Variants in SPRY3 observed in about 807,000 individuals in gnomAD.
The protein encoded by SPRY3 is protein sprouty homolog 3.
In SPRY3, 15 loss-of-function variants were observed where a neutral mutation model predicts 20.2. The observed-to-expected ratio is 0.74, with a 90% CI of 0.50 to 1.14. SPRY3 has a LOEUF of 1.14. SPRY3 is among the 50% of genes most tolerant of loss of function. SPRY3 has a pLI of 0.00. For missense variants in SPRY3, 364 were observed against 363.9 expected, an observed-to-expected ratio of 1.00 and a Z score of 0.00; for synonymous variants, 143 against 136.5, an observed-to-expected ratio of 1.05 and a Z score of -0.33.
intron 3 of SPRY3, among the ~76,000 whole-genome samples, chrX:155,769,050 G>C (rs905544912): frequency 2.0e-5 from 3 of 152,140 alleles, no homozygotes; most frequent in Non-Finnish European, 4.4e-5. Flanking sequence ...CCAAAAAGTC[G>C]GCTGCATTCA....
intron 2 of SPRY3, among the ~76,000 whole-genome samples, chrX:155,748,826 G>T (rs1207296725): frequency 2.6e-5 from 4 of 151,728 alleles, no homozygotes; most frequent in Non-Finnish European, 5.9e-5. Flanking sequence ...AATTGCCAAG[G>T]GAACAAGGAT....
chrX:155,673,229 A>T (rs1478933846), intron 2 of SPRY3, among the ~76,000 whole-genome samples: 2 of 109,932 alleles, frequency 1.8e-5, no homozygotes, highest in East Asian at 5.7e-4. Context: ...AAAAAAATTA[A>T]AAAAAGAACA....
At chrX:155,724,075 G>C (rs1219440431) in intron 2 of SPRY3, among the ~76,000 whole-genome samples, 2 of 152,100 alleles carry the variant, frequency 1.3e-5, no homozygotes, top group Non-Finnish European at 2.9e-5. Flanking sequence ...TGTCAGGTTT[G>C]TCAAAGATCA....
chrX:155,730,783 CTATTGGAACTGATCAAACAAATTCAG>C (rs1201182677), intron 2 of SPRY3, among the ~76,000 whole-genome samples: 1 of 151,964 alleles, frequency 6.6e-6, no homozygotes, highest in African/African-American at 2.4e-5. Context: ...CACCAGAAAC[CTATTGGAACTGATCAAACAAATTCAG>C]TAACATTGCA....
At chrX:155,767,733 G>GGA (rs1167461137) in intron 2 of SPRY3, 1 of 67,284 alleles carries the variant, frequency 1.5e-5, no homozygotes, top group East Asian at 2.2e-3. Flanking sequence ...AGGAGGAGGA[G>GGA]GAGAGAGAGG....
intron 2 of SPRY3, among the ~76,000 whole-genome samples, chrX:155,675,228 TTAAA>T (rs1362151204): frequency 1.8e-5 from 2 of 111,722 alleles, no homozygotes; most frequent in African/African-American, 6.5e-5. Context: ...CAATACATCT[TTAAA>T]TAAGCGTGAA....
chrX:155,780,400 G>A (rs700450), downstream of SPRY3: 167,090 of 167,120 alleles, frequency 1, 83,530 homozygotes, highest in Non-Finnish European at 1. Context: ...TTTTGAACCT[G>A]TGTCCTAAGG....
chrX:155,614,906 C>A (rs1367058602), intron 1 of SPRY3, among the ~76,000 whole-genome samples: 1 of 110,716 alleles, frequency 9.0e-6, no homozygotes, highest in East Asian at 2.8e-4. Context: ...GTATCTGGGT[C>A]TTTTTATGTT....
chrX:155,692,600 A>G (rs1369077192), intron 2 of SPRY3, among the ~76,000 whole-genome samples: 2 of 111,758 alleles, frequency 1.8e-5, no homozygotes, highest in East Asian at 5.6e-4. Context: ...TTGTTATCGC[A>G]TTAAATCTAT....
At chrX:155,647,793 A>G (rs2067962599) in intron 1 of SPRY3, among the ~76,000 whole-genome samples, 1 of 111,908 alleles carries the variant, frequency 8.9e-6, no homozygotes, top group Admixed American at 9.5e-5. Context: ...TTATAGTAGA[A>G]TGATTTATAA....
At chrX:155,734,742 C>A (rs1476819137) in intron 2 of SPRY3, among the ~76,000 whole-genome samples, 1 of 151,892 alleles carries the variant, frequency 6.6e-6, no homozygotes. Context: ...TTTCTATCTT[C>A]TTTTTTTCTT....
chrX:155,708,475 A>C, intron 2 of SPRY3, among the ~76,000 whole-genome samples: 1 of 151,424 alleles, frequency 6.6e-6, no homozygotes, highest in South Asian at 2.1e-4. Context: ...CTTGACTAGG[A>C]TGTGTCCAGG....
intron 2 of SPRY3, among the ~76,000 whole-genome samples, chrX:155,715,865 T>C (rs953100135): frequency 5.3e-5 from 8 of 152,130 alleles, no homozygotes; most frequent in African/African-American, 9.6e-5. Flanking sequence ...TTAATGTAAA[T>C]TCCCCCAGTC....
chrX:155,707,297 A>C (rs2124538119), intron 2 of SPRY3, among the ~76,000 whole-genome samples: 1 of 151,200 alleles, frequency 6.6e-6, no homozygotes, highest in Non-Finnish European at 1.5e-5. Flanking sequence ...GGGAGCTCTA[A>C]ATTTCTTTCT....
chrX:155,720,369 C>T (rs1306276310), intron 2 of SPRY3, among the ~76,000 whole-genome samples: 1 of 152,118 alleles, frequency 6.6e-6, no homozygotes, highest in Non-Finnish European at 1.5e-5. Flanking sequence ...CCTGGGGGAT[C>T]TCATCCTACC....
intron 2 of SPRY3, among the ~76,000 whole-genome samples, chrX:155,756,103 A>G (rs1374027676): frequency 6.6e-6 from 1 of 152,054 alleles, no homozygotes; most frequent in East Asian, 1.9e-4. Context: ...GTCAGTTCTG[A>G]AAATAAACTG....
At chrX:155,709,312 C>T (rs2090971241) in intron 2 of SPRY3, among the ~76,000 whole-genome samples, 1 of 151,728 alleles carries the variant, frequency 6.6e-6, no homozygotes, top group Admixed American at 6.6e-5. Flanking sequence ...TCCCTTTTCT[C>T]CACACCCTCA....
chrX:155,779,896 A>T (rs1277104096), downstream of SPRY3: 9 of 166,960 alleles, frequency 5.4e-5, no homozygotes, highest in Admixed American at 5.9e-4. Context: ...CCTTTGGCCG[A>T]AGGTTTGATA....
intron 2 of SPRY3, among the ~76,000 whole-genome samples, chrX:155,751,691 T>G: frequency 7.0e-6 from 1 of 143,596 alleles, no homozygotes; most frequent in Non-Finnish European, 1.5e-5. Flanking sequence ...TATATAGATT[T>G]TTAAAATTAA....
Sources: gnomAD v4.1 joint callset for allele counts (sites outside exome capture counted in the v4.1 genomes callset) on GRCh38, gnomAD v4.1.1 for gene constraint, MANE v1.5 for transcripts, NCBI Gene and HGNC (gene_info 2026-07-23, HGNC 2026-07-21) for gene names.